The following RTF1 variants were observed in gnomAD, a reference collection of about 807,000 sequenced individuals.
The protein encoded by RTF1 is RNA polymerase-associated protein RTF1 homolog.
RTF1 carries 10 observed loss-of-function variants against 95.7 expected under a neutral mutation model. The observed-to-expected ratio is 0.10, with a 90% CI of 0.06 to 0.18. The LOEUF (loss-of-function observed/expected upper bound fraction) is 0.18, where lower values mean the gene tolerates loss of function less well. Ranked by LOEUF, RTF1 falls within the 10% of genes least tolerant of loss-of-function variation. RTF1 has a pLI of 1.00. For missense variants in RTF1, 458 were observed against 875.6 expected, an observed-to-expected ratio of 0.52 and a Z score of 6.02; for synonymous variants, 305 against 311.8, an observed-to-expected ratio of 0.98 and a Z score of 0.23.
intron 4 of RTF1, among the ~76,000 whole-genome samples, chr15:41,459,577 C>G (rs1298486210): frequency 6.6e-6 from 1 of 152,036 alleles, no homozygotes; most frequent in East Asian, 1.9e-4. Flanking sequence ...TGTTTTAAAG[C>G]TTTATATTTT....
intron 1 of RTF1, among the ~76,000 whole-genome samples, chr15:41,418,184 A>C (rs1225546029): frequency 1.3e-5 from 2 of 152,204 alleles, no homozygotes; most frequent in Non-Finnish European, 1.5e-5. Context: ...GCAGTGCTCT[A>C]GTGATACCAG....
At chr15:41,438,767 A>C (rs1046396672) in intron 2 of RTF1, among the ~76,000 whole-genome samples, 1 of 151,896 alleles carries the variant, frequency 6.6e-6, no homozygotes, top group Non-Finnish European at 1.5e-5. Context: ...AGGCTGAGGC[A>C]GGAGAATTGC....
intron 1 of RTF1, among the ~76,000 whole-genome samples, chr15:41,430,468 C>T (rs2050663892): frequency 1.3e-5 from 2 of 151,982 alleles, no homozygotes; most frequent in Admixed American, 6.6e-5. Context: ...GGCTGGGCAT[C>T]GTGGCTCACA....
chr15:41,457,009 C>G (rs2050821721), intron 3 of RTF1, among the ~76,000 whole-genome samples: 1 of 152,014 alleles, frequency 6.6e-6, no homozygotes, highest in Admixed American at 6.6e-5. Flanking sequence ...GCTTGTGAAC[C>G]AGGGAGGTGG....
At chr15:41,420,767 G>A (rs1378004039) in intron 1 of RTF1, among the ~76,000 whole-genome samples, 1 of 152,144 alleles carries the variant, frequency 6.6e-6, no homozygotes, top group Admixed American at 6.6e-5. Flanking sequence ...CTCTGTGTCA[G>A]AAGCCACCTG....
chr15:41,459,503 A>C (rs1233768508), intron 4 of RTF1, among the ~76,000 whole-genome samples: 1 of 152,274 alleles, frequency 6.6e-6, no homozygotes, highest in Non-Finnish European at 1.5e-5. Context: ...ACATGAATAC[A>C]GTAATGATTG....
chr15:41,472,550 AC>A (rs369528119), intron 8 of RTF1, among the ~76,000 whole-genome samples: 2 of 133,882 alleles, frequency 1.5e-5, no homozygotes, highest in African/African-American at 5.7e-5. Context: ...ACAGAGTCTT[AC>A]CCCGTTGCCC....
At chr15:41,453,342 GCT>G (rs1414824928) in intron 3 of RTF1, among the ~76,000 whole-genome samples, 2 of 151,762 alleles carry the variant, frequency 1.3e-5, no homozygotes, top group Admixed American at 6.6e-5. Context: ...TTTTTTTCTT[GCT>G]TATGCATAGT....
rs762274881 is a variant in RTF1, at chr15:41,452,986, A to C, written c.395A>C (p.Lys132Thr). The stretch of plus-strand genomic sequence containing the variant: ...GGAACCATGAAGAAACAGGCCAACA[A>C]AACTGCCTCCTCAGGCAGTTCAGAC... ...KKGTMKKQAN[K>T]TASSGSSDKD... is the part of the protein sequence containing the mutation. Residue 132 changes from lysine (K) to threonine (T), a missense_variant, in exon 3 of 18, where the codon AAA (lysine) becomes ACA (threonine). Around this residue, in one of 11 missense-constraint regions of RTF1, gnomAD observed 39 missense variants for 38.4 expected, o/e 1.02. Coordinates refer to ENST00000389629, the MANE Select transcript of RTF1 (RefSeq NM_015138.5). 8 of 1,612,718 alleles carry C rather than the reference A, an allele frequency of 5.0e-6. No individual in the cohort carries two copies. The highest frequency in any genetic ancestry group is 6.8e-6 in the Non-Finnish European group (8 of 1,179,602).
At chr15:41,444,583 C>T (rs763828259) in intron 2 of RTF1, among the ~76,000 whole-genome samples, 13 of 152,156 alleles carry the variant, frequency 8.5e-5, no homozygotes, top group Non-Finnish European at 1.8e-4. Context: ...GCGTGACCAT[C>T]GCGGCCGGCC....
chr15:41,470,114 GTATA>G (rs894729845), intron 6 of RTF1, 139 bp from the exon 7 acceptor site: 51 of 810,478 alleles, frequency 6.3e-5, no homozygotes, highest in Admixed American at 9.4e-5. Flanking sequence ...ACTCATTTCT[GTATA>G]TACCCCAAGT....
At chr15:41,423,746 T>A (rs539562313) in intron 1 of RTF1, among the ~76,000 whole-genome samples, 19 of 151,990 alleles carry the variant, frequency 1.3e-4, no homozygotes, top group African/African-American at 4.6e-4. Flanking sequence ...GTGTATTTAT[T>A]TTTATTTATT....
At chr15:41,417,368 G>C (rs1488433063) in intron 1 of RTF1, 55 bp downstream of exon 1, 2 of 1,236,158 alleles carry the variant, frequency 1.6e-6, no homozygotes, top group Non-Finnish European at 2.0e-6. Context: ...TGTCGGGGCC[G>C]CGGGAGCCGG....
At chr15:41,434,068 C>T (rs1178768584) in intron 1 of RTF1, among the ~76,000 whole-genome samples, 1 of 151,862 alleles carries the variant, frequency 6.6e-6, no homozygotes, top group East Asian at 1.9e-4. Flanking sequence ...TGGTCTCGAA[C>T]TCCCAACCTC....
In RTF1 at chr15:41,453,003, A is replaced by C; in HGVS notation, c.412A>C (p.Ser138Arg). The C allele has an allele frequency of 6.2e-7, 1 of 1,612,206 alleles. No individual in the cohort carries two copies. Among genetic ancestry groups the C allele is most frequent in the Non-Finnish European group, 8.5e-7 (1 of 1,179,564 alleles). The change falls in exon 3 of 18, where the codon AGT (serine) becomes CGT (arginine). Residue 138 changes from serine (S) to arginine (R), a missense_variant. Physicochemically the swap from Ser to Arg is moderately radical, Grantham distance 110. Coordinates refer to ENST00000389629, the MANE Select transcript of RTF1 (RefSeq NM_015138.5). ...GGCCAACAAAACTGCCTCCTCAGGC[A>C]GTTCAGACAAAGACAGTTCAGCTGA... ...KQANKTASSGSSDKDSSAESS... is the reference protein window; with the variant it reads ...KQANKTASSGRSDKDSSAESS...
In RTF1 at chr15:41,470,242, C is replaced by T. The variant is rs1555387286; in HGVS notation, c.890-15C>T. 1.2e-6 allele frequency: 2 copies of T among 1,607,096 alleles called. No individual in the cohort carries two copies. ...GTTGAGAAAACCTAGGTAAACATCTCTTCTTTCTTTCTAGCTGAGCTCCTT... is the reference window on the plus strand; with the variant it reads ...GTTGAGAAAACCTAGGTAAACATCTTTTCTTTCTTTCTAGCTGAGCTCCTT... On this transcript the variant is annotated splice_polypyrimidine_tract_variant and intron_variant, in intron 6 of 17. Coordinates refer to ENST00000389629, the MANE Select transcript of RTF1 (RefSeq NM_015138.5).
intron 2 of RTF1, among the ~76,000 whole-genome samples, chr15:41,449,806 G>A (rs1426398587): frequency 1.3e-5 from 2 of 151,888 alleles, no homozygotes; most frequent in Non-Finnish European, 2.9e-5. Context: ...TCATAAAAAC[G>A]AAAAGAAAAC....
At position 41,445,840 on chromosome 15, in the gene RTF1, ATTC is replaced by A. The variant is rs1186235870; in HGVS notation, c.310-7058_310-7056del. Among the ~76,000 whole-genome samples, 7 of 151,818 alleles carry A rather than the reference ATTC, an allele frequency of 4.6e-5. No homozygotes were observed. The East Asian group carries it at 1.4e-3, about 29-fold the overall frequency. On this transcript the variant is annotated intron_variant, in intron 2 of 17. Transcript: ENST00000389629. ...AACCTCTGCCTCCTGGGTTCAGGCA[ATTC>A]TTGTACTTCAGTCTTCCAAGTAGCT...
chr15:41,445,926 C>T (rs1278711043), intron 2 of RTF1, among the ~76,000 whole-genome samples: 9 of 151,930 alleles, frequency 5.9e-5, no homozygotes, highest in Admixed American at 5.3e-4. Context: ...TTAGTAGAGA[C>T]GGGGTTTCAC....
Sources: allele counts gnomAD v4.1 joint callset (sites outside exome capture counted in the v4.1 genomes callset), GRCh38; gene constraint gnomAD v4.1.1; regional missense constraint gnomAD v4.1.1; transcripts MANE v1.5; gene names NCBI Gene and HGNC (gene_info 2026-07-23, HGNC 2026-07-21).